The following SYNE2 variants were observed in gnomAD, a reference collection of about 807,000 sequenced individuals.
SYNE2 encodes the protein spectrin repeat containing nuclear envelope protein 2.
Under a neutral mutation model 856.3 loss-of-function variants are expected in SYNE2, and 431 were observed. That is an observed-to-expected ratio of 0.50 (90% CI 0.47 to 0.55). SYNE2 has a LOEUF of 0.55. Ranked by LOEUF, SYNE2 falls within the 20% of genes least tolerant of loss-of-function variation. The pLI, the probability that SYNE2 is intolerant of heterozygous loss-of-function variation, is 0.00. For missense variants in SYNE2, 8,129 were observed against 8,023.2 expected, an observed-to-expected ratio of 1.01 and a Z score of -0.50; for synonymous variants, 2,923 against 2,872.3, an observed-to-expected ratio of 1.02 and a Z score of -0.56.
In SYNE2 at chr14:64,218,475, A is replaced by G. The variant is rs755594887; in HGVS notation, c.19620A>G (p.Glu6540=). Residue 6540 remains glutamate, a synonymous_variant, in exon 109 of 116, where the codon GAA becomes GAG. Coordinates refer to ENST00000555002, the MANE Select transcript of SYNE2 (RefSeq NM_182914.3). Reference sequence around the variant, plus strand: ...TCCTGAATGGCAACCCACAGCAGGAAGACGGGGGACTGGCCGGTATCACAG... The same window carrying G: ...TCCTGAATGGCAACCCACAGCAGGAGGACGGGGGACTGGCCGGTATCACAG... ...PRVLNGNPQQ[E]DGGLAGITEQ... 1.2e-6 allele frequency: 2 copies of G among 1,614,160 alleles called. No individual in the cohort carries two copies. The highest frequency in any genetic ancestry group is 1.7e-6 in the Non-Finnish European group (2 of 1,180,048).
chr14:64,141,884 G>A, intron 81 of SYNE2, 58 bp from the exon 82 acceptor site: 1 of 1,492,870 alleles, frequency 6.7e-7, no homozygotes, highest in Non-Finnish European at 9.1e-7. Flanking sequence ...CTTTAGTGAT[G>A]CTCTGATTCA....
intron 2 of SYNE2, among the ~76,000 whole-genome samples, chr14:63,913,003 G>C (rs957637190): frequency 6.6e-6 from 1 of 152,066 alleles, no homozygotes; most frequent in African/African-American, 2.4e-5. Flanking sequence ...GCATGAACAC[G>C]ACTCACTGCA....
chr14:64,079,192 C>G (rs1034789582), intron 55 of SYNE2, among the ~76,000 whole-genome samples: 1 of 152,098 alleles, frequency 6.6e-6, no homozygotes, highest in African/African-American at 2.4e-5. Flanking sequence ...GATACTGATA[C>G]TAAAAATCAT....
At chr14:64,176,779 TTTTATTTATTTATTTA>T (rs370375972) in intron 95 of SYNE2, among the ~76,000 whole-genome samples, 11 of 150,260 alleles carry the variant, frequency 7.3e-5, no homozygotes, top group African/African-American at 1.2e-4. Flanking sequence ...ACTTTTTTAT[TTTTATTTATTTATTTA>T]TTTATTTATT....
chr14:63,837,203 T>G, intron 1 of SYNE2, among the ~76,000 whole-genome samples: 1 of 152,206 alleles, frequency 6.6e-6, no homozygotes, highest in East Asian at 1.9e-4. Context: ...GAAAAAATAG[T>G]CTTTTCAATG....
In SYNE2 at chr14:64,208,802, C is replaced by G; in HGVS notation, c.18246C>G (p.Ser6082=). Reference sequence around the variant, plus strand: ...AACAACACAGCGCAGGGGTGGAGTCCGTGTTTAACATCTGTGACGTCCTAC... The same window carrying G: ...AACAACACAGCGCAGGGGTGGAGTCGGTGTTTAACATCTGTGACGTCCTAC... ...DIEQHSAGVE[S]VFNICDVLLH... The change falls in exon 101 of 116, where the codon TCC becomes TCG. Residue 6082 remains serine (S), a synonymous_variant. Transcript: ENST00000555002. 6.2e-7 allele frequency: 1 copy of G among 1,614,176 alleles called. No homozygotes were observed. The highest frequency in any genetic ancestry group is 2.2e-5 in the East Asian group (1 of 44,878).
intron 2 of SYNE2, among the ~76,000 whole-genome samples, chr14:63,925,698 T>C (rs1566815618): frequency 6.6e-6 from 1 of 152,238 alleles, no homozygotes; most frequent in Non-Finnish European, 1.5e-5. Flanking sequence ...ACCATTCTTC[T>C]ACTCTCTATC....
chr14:64,224,846 G>T lies in SYNE2; in HGVS notation c.20470-153G>T, dbSNP rs562410512. 1.3e-5 allele frequency: 10 copies of T among 779,202 alleles called. No individual in the cohort carries two copies. In the Admixed American group the frequency reaches 1.9e-4, roughly 15 times the overall value. The allele number at this position is 779,202 out of a possible 1,614,324, so 48.3% of individuals were successfully genotyped here. ...CTAATTATTTCCTACTTCAGGTGAC[G>T]TTTAATCTCAATTGTATTACTCTAG... On this transcript the variant is annotated intron_variant, in intron 114 of 115. Transcript: ENST00000555002.
chr14:63,826,969 T>C (rs1466330023), intron 1 of SYNE2, among the ~76,000 whole-genome samples: 1 of 152,166 alleles, frequency 6.6e-6, no homozygotes, highest in African/African-American at 2.4e-5. Context: ...AAATGTTTAG[T>C]ATCCTTAATA....
At chr14:64,185,625 A>G (rs1196315973) in intron 96 of SYNE2, among the ~76,000 whole-genome samples, 1 of 146,360 alleles carries the variant, frequency 6.8e-6, no homozygotes, top group Admixed American at 7.1e-5. Flanking sequence ...GGTTCAAGCA[A>G]TTCTCCTGCC....
chr14:64,034,429 C>A, intron 45 of SYNE2: 1 of 446,046 alleles, frequency 2.2e-6, no homozygotes, highest in South Asian at 5.9e-5. Flanking sequence ...AAATAGACCC[C>A]AGAAGAATTT....
intron 6 of SYNE2, among the ~76,000 whole-genome samples, chr14:63,948,790 A>ATGTG (rs1566884745): frequency 3.6e-4 from 27 of 73,984 alleles, no homozygotes; most frequent in South Asian, 1.9e-3. Flanking sequence ...GTGTATATAT[A>ATGTG]TATATATATA....
At chr14:64,217,865 C>T (rs893057956) in intron 108 of SYNE2, among the ~76,000 whole-genome samples, 4 of 152,130 alleles carry the variant, frequency 2.6e-5, no homozygotes, top group Non-Finnish European at 5.9e-5. Context: ...ACAGCCCAAT[C>T]GGCTGTGTGA....
At chr14:64,141,556 C>T (rs2098139389) in intron 81 of SYNE2, 33 bp downstream of exon 81, 1 of 1,597,130 alleles carries the variant, frequency 6.3e-7, no homozygotes, top group Admixed American at 1.7e-5. Flanking sequence ...TTTGAATTAG[C>T]ATTCACTTGT....
At chr14:64,153,696 A>G (rs943957015) in intron 85 of SYNE2, among the ~76,000 whole-genome samples, 1 of 152,218 alleles carries the variant, frequency 6.6e-6, no homozygotes, top group African/African-American at 2.4e-5. Flanking sequence ...AATGAATCCT[A>G]CCCTCAAAGA....
At chr14:63,996,795 C>CTTTTTTTTT in intron 23 of SYNE2, 152 bp from the exon 24 acceptor site, 1 of 754,914 alleles carries the variant, frequency 1.3e-6, no homozygotes, top group Admixed American at 2.2e-5. Context: ...ACTCTCTCAT[C>CTTTTTTTTT]TTTTTTTCTC....
At chr14:64,154,445 A>G (rs146692443) in intron 85 of SYNE2, among the ~76,000 whole-genome samples, 3,440 of 152,286 alleles carry the variant, frequency 0.023, 46 homozygotes, top group African/African-American at 0.038. Flanking sequence ...TACACCTAGA[A>G]TATATGAAGA....
rs758936648 is a variant in SYNE2, at chr14:64,093,448, C to T, written c.12076C>T (p.Pro4026Ser). ...TCAGTTCTCCCTTGAACATATGTCA[C>T]CAGACCAAGCTGACAAGCTGCCACA... ...SAQFSLEHMS[P>S]DQADKLPQLQ... The change falls in exon 61 of 116, where the codon CCA (proline) becomes TCA (serine). Residue 4026 changes from proline to serine, a missense_variant. By Grantham distance (74) the Pro-to-Ser change is moderately conservative. This residue lies in a region of SYNE2 where 5,410 missense variants were observed against 5,284.8 expected (regional missense o/e 1.02). Transcript: ENST00000555002. 5 of 1,614,136 alleles carry T rather than the reference C, an allele frequency of 3.1e-6. No individual in the cohort carries two copies. In the Admixed American group the frequency reaches 8.3e-5, roughly 27 times the overall value.
At chr14:64,159,546 G>C in intron 87 of SYNE2, 104 bp downstream of exon 87, 1 of 1,360,372 alleles carries the variant, frequency 7.4e-7, no homozygotes, top group South Asian at 1.2e-5. Context: ...CCTCTGAGAT[G>C]ACTGGTTTCC....
Sources: allele counts gnomAD v4.1 joint callset (sites outside exome capture counted in the v4.1 genomes callset), GRCh38; gene constraint gnomAD v4.1.1; regional missense constraint gnomAD v4.1.1; transcripts MANE v1.5; gene names NCBI Gene and HGNC (gene_info 2026-07-23, HGNC 2026-07-21).